The following MACROD2 variants were observed in gnomAD, a reference collection of about 807,000 sequenced individuals.
MACROD2 encodes ADP-ribose glycohydrolase MACROD2.
A neutral mutation model predicts 70.4 loss-of-function variants in MACROD2; 36 were observed. The observed-to-expected ratio is 0.51, with a 90% confidence interval of 0.39 to 0.68. The LOEUF (loss-of-function observed/expected upper bound fraction) is 0.68. Among genes scored for constraint, MACROD2 ranks in the 30% least tolerant of loss-of-function variants. The pLI is 0.00. For missense variants in MACROD2, 496 were observed against 538.4 expected (o/e 0.92, Z 0.78); for synonymous variants, 172 against 178.8 (o/e 0.96, Z 0.30).
intron 3 of MACROD2, among the ~76,000 whole-genome samples, chr20:14,126,075 T>G (rs888802072): frequency 6.6e-6 from 1 of 152,170 alleles, no homozygotes; most frequent in Non-Finnish European, 1.5e-5. Flanking sequence ...TGTATTCTGT[T>G]TTAGTTTACT....
intron 4 of MACROD2, among the ~76,000 whole-genome samples, chr20:14,671,770 A>G (rs1568730832): frequency 6.6e-6 from 1 of 152,220 alleles, no homozygotes; most frequent in Non-Finnish European, 1.5e-5. Context: ...GCTCAAATAA[A>G]TTAACCAAAT....
chr20:15,445,768 T>A (rs1356105495), intron 7 of MACROD2, among the ~76,000 whole-genome samples: 1 of 152,154 alleles, frequency 6.6e-6, no homozygotes, highest in Non-Finnish European at 1.5e-5. Flanking sequence ...TAGATCCTTA[T>A]TTTCCTGGCT....
chr20:15,648,493 A>G (rs552266136), intron 8 of MACROD2, among the ~76,000 whole-genome samples: 2 of 152,282 alleles, frequency 1.3e-5, no homozygotes, highest in East Asian at 3.9e-4. Context: ...ACCATGTTAT[A>G]CAATTCCTCA....
chr20:15,307,148 G>A (rs2077705889), intron 6 of MACROD2, among the ~76,000 whole-genome samples: 1 of 152,176 alleles, frequency 6.6e-6, no homozygotes, highest in Non-Finnish European at 1.5e-5. Context: ...GATTTGGAGA[G>A]CAAATATTCA....
intron 15 of MACROD2, among the ~76,000 whole-genome samples, chr20:16,038,643 T>C (rs2067267076): frequency 2.0e-5 from 3 of 151,850 alleles, no homozygotes; most frequent in South Asian, 4.2e-4. Context: ...ATTTCCAAAA[T>C]ACATTAATTG....
chr20:14,069,683 T>C (rs1303404078), intron 2 of MACROD2, among the ~76,000 whole-genome samples: 1 of 146,588 alleles, frequency 6.8e-6, no homozygotes, highest in Admixed American at 7.0e-5. Context: ...TGGGATCTAG[T>C]ATGCAGAAAA....
chr20:14,756,346 C>T (rs2071940163), intron 5 of MACROD2, among the ~76,000 whole-genome samples: 1 of 152,104 alleles, frequency 6.6e-6, no homozygotes, highest in Admixed American at 6.6e-5. Flanking sequence ...CTAAATTCAA[C>T]ATTTCATCTT....
At chr20:15,081,409 T>G (rs898049721) in intron 5 of MACROD2, among the ~76,000 whole-genome samples, 1 of 152,156 alleles carries the variant, frequency 6.6e-6, no homozygotes, top group Non-Finnish European at 1.5e-5. Flanking sequence ...TGGATTAACA[T>G]TCCTTCACAG....
At position 15,153,159 on chromosome 20, in the gene MACROD2, T is replaced by G. The variant is rs543848694; in HGVS notation, c.419-76781T>G. The stretch of plus-strand genomic sequence containing the variant: ...GAGTCACGGCACCAAATTTCATGTG[T>G]GTCCATGTGAAGAGACCACCAAACA... On this transcript the variant is annotated intron_variant, in intron 5 of 17. Transcript: ENST00000684519. 2.6e-5 allele frequency among the ~76,000 whole-genome samples: 4 copies of G among 152,124 alleles called. No homozygotes were observed. In the East Asian group the frequency reaches 7.8e-4, roughly 30 times the overall value.
intron 7 of MACROD2, among the ~76,000 whole-genome samples, chr20:15,456,136 T>C (rs1170880454): frequency 6.6e-6 from 1 of 152,186 alleles, no homozygotes; most frequent in African/African-American, 2.4e-5. Context: ...AGGCAAATAC[T>C]GGTAGTCACA....
chr20:15,801,611 G>A (rs1461393311), intron 8 of MACROD2, among the ~76,000 whole-genome samples: 5 of 152,052 alleles, frequency 3.3e-5, no homozygotes, highest in Non-Finnish European at 7.4e-5. Flanking sequence ...TAGGTTTGTA[G>A]TATATTTTGA....
At chr20:15,198,200 C>G (rs1176974555) in intron 5 of MACROD2, among the ~76,000 whole-genome samples, 1 of 152,042 alleles carries the variant, frequency 6.6e-6, no homozygotes, top group Non-Finnish European at 1.5e-5. Context: ...ACCTCGTGAT[C>G]CACCCGCCTC....
intron 5 of MACROD2, among the ~76,000 whole-genome samples, chr20:14,941,815 A>C (rs1476971542): frequency 6.7e-6 from 1 of 149,634 alleles, no homozygotes; most frequent in African/African-American, 2.5e-5. Context: ...TCAGGGTCTC[A>C]CTGTATCACT....
At chr20:14,792,937 G>T (rs1481042836) in intron 5 of MACROD2, among the ~76,000 whole-genome samples, 3 of 151,936 alleles carry the variant, frequency 2.0e-5, no homozygotes, top group Non-Finnish European at 2.9e-5. Flanking sequence ...CCAAATAAAA[G>T]TTATTTTGGA....
At chr20:15,730,835 T>C (rs1357015826) in intron 8 of MACROD2, among the ~76,000 whole-genome samples, 1 of 150,692 alleles carries the variant, frequency 6.6e-6, no homozygotes, top group African/African-American at 2.4e-5. Flanking sequence ...GAGTCATACA[T>C]TGGGTCACTT....
intron 5 of MACROD2, among the ~76,000 whole-genome samples, chr20:14,711,671 C>T (rs1457912770): frequency 6.6e-6 from 1 of 152,126 alleles, no homozygotes; most frequent in African/African-American, 2.4e-5. Flanking sequence ...CAACTTCACC[C>T]TCTGGCAACT....
chr20:15,319,456 C>G (rs1019399872), intron 6 of MACROD2, among the ~76,000 whole-genome samples: 1 of 152,144 alleles, frequency 6.6e-6, no homozygotes, highest in Non-Finnish European at 1.5e-5. Context: ...AGAAAGTCAC[C>G]TACTAGAATA....
At chr20:14,981,595 T>C (rs572884298) in intron 5 of MACROD2, among the ~76,000 whole-genome samples, 7 of 151,990 alleles carry the variant, frequency 4.6e-5, no homozygotes, top group Non-Finnish European at 1.0e-4. Context: ...AGATCTTTCC[T>C]GTGTTGTTCT....
chr20:14,348,325 G>A (rs993043502), intron 3 of MACROD2, among the ~76,000 whole-genome samples: 1 of 151,368 alleles, frequency 6.6e-6, no homozygotes, highest in African/African-American at 2.4e-5. Flanking sequence ...AAGATGTATC[G>A]GTATTAGAAC....
Sources: gnomAD v4.1 joint callset for allele counts (sites outside exome capture counted in the v4.1 genomes callset) on GRCh38, gnomAD v4.1.1 for gene constraint, MANE v1.5 for transcripts, NCBI Gene and HGNC (gene_info 2026-07-23, HGNC 2026-07-21) for gene names.